Variants in RASAL2 observed in about 807,000 individuals in gnomAD.
RASAL2 encodes the protein RAS protein activator like 2, also known as ras GTPase-activating protein nGAP.
A neutral mutation model predicts 128.9 loss-of-function variants in RASAL2; 58 were observed. The observed-to-expected ratio is 0.45, with a 90% CI of 0.36 to 0.56. The LOEUF (loss-of-function observed/expected upper bound fraction) is 0.56. Among genes scored for constraint, RASAL2 ranks in the 20% least tolerant of loss-of-function variants. The pLI, the probability that RASAL2 is intolerant of heterozygous loss-of-function variation, is 0.00. For missense variants in RASAL2, 1,360 were observed against 1,601.6 expected (o/e 0.85, Z 2.57); for synonymous variants, 561 against 580.8 (o/e 0.97, Z 0.49).
intron 6 of RASAL2, among the ~76,000 whole-genome samples, chr1:178,440,442 T>A (rs998762280): frequency 1.3e-5 from 2 of 152,102 alleles, no homozygotes; most frequent in Admixed American, 1.3e-4. Flanking sequence ...TTTTTAAAAC[T>A]AAGTCTTCAA....
chr1:178,300,125 T>C lies in RASAL2; in HGVS notation c.457+7T>C, dbSNP rs1303825259. On this transcript the variant is annotated splice_region_variant and intron_variant, in intron 3 of 17. Transcript: ENST00000367649. ...GAGGGCGCCACTAAACTGGGTAAGC[T>C]ACTATGAAAAGGAAATAAATTCCTA... 6.2e-7 allele frequency: 1 copy of C among 1,602,112 alleles called. No homozygotes were observed. The highest frequency in any genetic ancestry group is 1.8e-5 in the Admixed American group (1 of 56,430).
chr1:178,111,451 G>A (rs1256308119), intron 1 of RASAL2, among the ~76,000 whole-genome samples: 1 of 152,130 alleles, frequency 6.6e-6, no homozygotes, highest in East Asian at 1.9e-4. Context: ...TTTCCTAAGT[G>A]GTTGTACCGT....
chr1:178,141,060 G>A (rs1320602984), intron 1 of RASAL2, among the ~76,000 whole-genome samples: 3 of 152,172 alleles, frequency 2.0e-5, no homozygotes, highest in Non-Finnish European at 2.9e-5. Context: ...CAGGTCTTAT[G>A]TGAACTCAGA....
At chr1:178,275,475 G>A (rs930645771) in intron 1 of RASAL2, among the ~76,000 whole-genome samples, 1 of 152,200 alleles carries the variant, frequency 6.6e-6, no homozygotes, top group African/African-American at 2.4e-5. Context: ...GAGAAGCAAG[G>A]TAGAACTATC....
intron 1 of RASAL2, among the ~76,000 whole-genome samples, chr1:178,252,878 C>T (rs1191938774): frequency 6.6e-6 from 1 of 152,172 alleles, no homozygotes; most frequent in South Asian, 2.1e-4. Flanking sequence ...TTACAACCTT[C>T]GTTTATCTCT....
rs1301412598 is a variant in RASAL2, at chr1:178,251,771, G to A, written c.203-31793G>A. Among the ~76,000 whole-genome samples the A allele has an allele frequency of 3.9e-5, 6 of 152,180 alleles. No individual in the cohort carries two copies. The East Asian group carries it at 1.2e-3, about 29-fold the overall frequency. On this transcript the variant is annotated intron_variant, in intron 1 of 17. Transcript: ENST00000367649. ...AGTCTTTTTCTTCAGATGCTTATCA[G>A]TCTAGTAGGGAAAGTAAAAACATAA... is the stretch of plus-strand genomic sequence containing the variant.
chr1:178,385,581 G>A (rs940095361), intron 3 of RASAL2, among the ~76,000 whole-genome samples: 2 of 151,802 alleles, frequency 1.3e-5, no homozygotes, highest in African/African-American at 4.8e-5. Context: ...GAAGATTAAT[G>A]AGTTTATATG....
intron 3 of RASAL2, among the ~76,000 whole-genome samples, chr1:178,337,029 T>C (rs1404188420): frequency 6.6e-6 from 1 of 152,108 alleles, no homozygotes; most frequent in Admixed American, 6.6e-5. Context: ...GGGACTGATA[T>C]TTGATTTTGC....
intron 1 of RASAL2, among the ~76,000 whole-genome samples, chr1:178,219,990 T>A (rs74556252): frequency 0.063 from 9,651 of 152,212 alleles, 377 homozygotes; most frequent in Middle Eastern, 0.092. Flanking sequence ...GTTCTTGCTC[T>A]GAGTTCACAC....
At chr1:178,181,361 ATT>A (rs946559831) in intron 1 of RASAL2, among the ~76,000 whole-genome samples, 3 of 145,004 alleles carry the variant, frequency 2.1e-5, no homozygotes, top group Admixed American at 7.0e-5. Flanking sequence ...TTGATTCAGA[ATT>A]TTTTTTTTTT....
intron 3 of RASAL2, among the ~76,000 whole-genome samples, chr1:178,381,515 A>G (rs1480210657): frequency 1.3e-5 from 2 of 152,102 alleles, no homozygotes; most frequent in Admixed American, 1.3e-4. Flanking sequence ...TTGTTTTTGT[A>G]CAGTGTCATG....
chr1:178,358,513 A>G (rs541248039), intron 3 of RASAL2, among the ~76,000 whole-genome samples: 1 of 152,328 alleles, frequency 6.6e-6, no homozygotes, highest in South Asian at 2.1e-4. Context: ...GGCAAGAGAT[A>G]TAAAGAAGAC....
intron 3 of RASAL2, among the ~76,000 whole-genome samples, chr1:178,329,470 C>T (rs778058611): frequency 7.2e-5 from 11 of 152,106 alleles, no homozygotes; most frequent in Non-Finnish European, 1.0e-4. Context: ...AATTTCAGAA[C>T]ATCCACAATG....
intron 1 of RASAL2, among the ~76,000 whole-genome samples, chr1:178,176,140 C>T (rs1661882259): frequency 6.6e-6 from 1 of 152,102 alleles, no homozygotes; most frequent in African/African-American, 2.4e-5. Flanking sequence ...ATACTGTTTA[C>T]CATAGAGGTT....
At position 178,270,724 on chromosome 1, in the gene RASAL2, G is replaced by C. The variant is rs1403352047; in HGVS notation, c.203-12840G>C. 2.6e-5 allele frequency among the ~76,000 whole-genome samples: 4 copies of C among 151,836 alleles called. No individual in the cohort carries two copies. The South Asian group carries it at 8.3e-4, about 31-fold the overall frequency. On this transcript the variant is annotated intron_variant, in intron 1 of 17. Transcript: ENST00000367649. ...GCTTCAGATTAAGAATGGGAGATGA[G>C]AAAGCTTACTGGAGGATCTAAGTGT...
chr1:178,290,655 G>A (rs1245663437), intron 2 of RASAL2, among the ~76,000 whole-genome samples: 1 of 151,990 alleles, frequency 6.6e-6, no homozygotes, highest in Non-Finnish European at 1.5e-5. Context: ...GCTTCAGTAA[G>A]TTTATTTTTA....
intron 1 of RASAL2, among the ~76,000 whole-genome samples, chr1:178,250,640 C>T (rs1665005034): frequency 6.6e-6 from 1 of 152,154 alleles, no homozygotes; most frequent in Admixed American, 6.5e-5. Context: ...AAATCACCCG[C>T]CTTCTGCGTT....
rs904126640 is a variant in RASAL2 at position 178,346,726 on chromosome 1, C to T, written c.458-43374C>T. 5.3e-5 allele frequency among the ~76,000 whole-genome samples: 8 copies of T among 152,154 alleles called. No individual in the cohort carries two copies. In the East Asian group the frequency reaches 1.5e-3, roughly 29 times the overall value. On this transcript the variant is annotated intron_variant, in intron 3 of 17. Coordinates refer to ENST00000367649, the MANE Select transcript of RASAL2 (RefSeq NM_170692.4). Reference sequence around the variant, plus strand: ...AAAATCAATTAAACACCTTACCATTCTCTTCTCATCTCTGAGAAATGGTAT... The same window carrying T: ...AAAATCAATTAAACACCTTACCATTTTCTTCTCATCTCTGAGAAATGGTAT...
In RASAL2 at chr1:178,443,015, A is replaced by C. The variant is rs1248564034; in HGVS notation, c.1268A>C (p.Asn423Thr). The part of the protein sequence containing the change: ...KWYPVSTPTP[N>T]KGKTGGPSIR... ...TATCCAGTGAGTACACCTACACCCA[A>C]CAAAGGAAAGACAGGAGGACCTTCT... Residue 423 changes from asparagine (N) to threonine (T), a missense_variant, in exon 8 of 18, where the codon AAC becomes ACC. Around this residue, in one of 3 missense-constraint regions of RASAL2, gnomAD observed 617 missense variants for 714.2 expected, o/e 0.86. Coordinates refer to ENST00000367649, the MANE Select transcript of RASAL2 (RefSeq NM_170692.4). 1.2e-6 allele frequency: 2 copies of C among 1,613,948 alleles called. No individual in the cohort carries two copies. The highest frequency in any genetic ancestry group is 2.7e-5 in the African/African-American group (2 of 74,930).
Sources: gnomAD v4.1 joint callset for allele counts (sites outside exome capture counted in the v4.1 genomes callset) on GRCh38, gnomAD v4.1.1 for gene constraint, gnomAD v4.1.1 regional missense constraint, MANE v1.5 for transcripts, NCBI Gene and HGNC (gene_info 2026-07-23, HGNC 2026-07-21) for gene names.